Variants in ARPP21 observed in about 807,000 individuals in gnomAD.
ARPP21 encodes cAMP-regulated phosphoprotein 21.
In ARPP21, 69 loss-of-function variants were observed where a neutral mutation model predicts 113.2. That is an observed-to-expected ratio of 0.61 (90% confidence interval 0.50 to 0.74). The LOEUF is 0.74. Among genes scored for constraint, ARPP21 ranks in the 30% least tolerant of loss-of-function variants. The pLI is 0.00. For synonymous variants in ARPP21, 368 were observed against 375.5 expected, an observed-to-expected ratio of 0.98 and a Z score of 0.23; for missense variants, 1,070 against 1,037.4, an observed-to-expected ratio of 1.03 and a Z score of -0.43.
chr3:35,682,625 A>C (rs1383581411), intron 3 of ARPP21: 1 of 453,066 alleles, frequency 2.2e-6, no homozygotes, highest in Non-Finnish European at 3.9e-6. Context: ...TAGTTGTTAT[A>C]AACAGAAAAG....
At chr3:35,755,315 C>A (rs1288494857) in intron 19 of ARPP21, among the ~76,000 whole-genome samples, 1 of 151,894 alleles carries the variant, frequency 6.6e-6, no homozygotes, top group Non-Finnish European at 1.5e-5. Flanking sequence ...TTGTCTCCAC[C>A]ACCTTCCCAA....
At chr3:35,688,880 A>ACTTT (rs1553666715) in intron 6 of ARPP21, among the ~76,000 whole-genome samples, 1 of 146,742 alleles carries the variant, frequency 6.8e-6, no homozygotes, top group Non-Finnish European at 1.5e-5. Flanking sequence ...CAGAACATTC[A>ACTTT]TTTTTTTTTT....
At chr3:35,641,183 A>G (rs1265751798) in intron 1 of ARPP21, 1 of 152,228 alleles carries the variant, frequency 6.6e-6, no homozygotes, top group Non-Finnish European at 1.5e-5. Context: ...ACAGATATTC[A>G]TTTTAATCTT....
intron 10 of ARPP21, 58 bp from the exon 11 acceptor site, chr3:35,708,910 AC>A: frequency 8.6e-7 from 1 of 1,165,232 alleles, no homozygotes; most frequent in Non-Finnish European, 1.3e-6. Context: ...CAGTTGCTTA[AC>A]CACAGATTTC....
chr3:35,668,002 GAA>G (rs2075201105), intron 1 of ARPP21, among the ~76,000 whole-genome samples: 5 of 150,058 alleles, frequency 3.3e-5, no homozygotes, highest in Non-Finnish European at 7.4e-5. Context: ...AGAAGAAGAA[GAA>G]GAAGAAGAAG....
chr3:35,759,755 A>T (rs937762467), intron 19 of ARPP21, among the ~76,000 whole-genome samples: 1 of 151,304 alleles, frequency 6.6e-6, no homozygotes, highest in Non-Finnish European at 1.5e-5. Context: ...TGGAGGCTAA[A>T]AGATCATAAT....
chr3:35,693,259 A>C (rs1381409629), intron 9 of ARPP21, among the ~76,000 whole-genome samples: 1 of 151,656 alleles, frequency 6.6e-6, no homozygotes, highest in Non-Finnish European at 1.5e-5. Context: ...TAAATAAAAA[A>C]GGCAAATGAC....
At chr3:35,719,956 A>G (rs528337851) in intron 13 of ARPP21, among the ~76,000 whole-genome samples, 1 of 152,326 alleles carries the variant, frequency 6.6e-6, no homozygotes, top group South Asian at 2.1e-4. Flanking sequence ...CAGAAATGGA[A>G]TAGCAAGCCC....
At chr3:35,643,984 T>C (rs558438434) in intron 1 of ARPP21, among the ~76,000 whole-genome samples, 2 of 152,154 alleles carry the variant, frequency 1.3e-5, no homozygotes, top group East Asian at 3.9e-4. Flanking sequence ...TTGTAAAACA[T>C]ATACTTCCTT....
intron 9 of ARPP21, among the ~76,000 whole-genome samples, chr3:35,695,509 G>A (rs368979519): frequency 1.3e-5 from 2 of 151,422 alleles, no homozygotes; most frequent in African/African-American, 4.8e-5. Context: ...GAAAAATGTA[G>A]TGCAACTCTT....
chr3:35,696,109 A>G (rs890320415), intron 9 of ARPP21, among the ~76,000 whole-genome samples: 8 of 151,572 alleles, frequency 5.3e-5, no homozygotes, highest in African/African-American at 1.5e-4. Flanking sequence ...GCTTTAGAAC[A>G]TGAGGCTTGA....
intron 11 of ARPP21, among the ~76,000 whole-genome samples, chr3:35,710,898 C>G (rs2090924472): frequency 6.6e-6 from 1 of 152,182 alleles, no homozygotes; most frequent in Admixed American, 6.5e-5. Flanking sequence ...AGATTAACAG[C>G]TGGGGATCTG....
At chr3:35,655,961 T>C (rs1182539936) in intron 1 of ARPP21, among the ~76,000 whole-genome samples, 1 of 152,074 alleles carries the variant, frequency 6.6e-6, no homozygotes, top group African/African-American at 2.4e-5. Flanking sequence ...CAACTACTGA[T>C]CTAAAACATA....
At chr3:35,724,608 AAAC>A (rs1444046184) in intron 14 of ARPP21, among the ~76,000 whole-genome samples, 1 of 152,176 alleles carries the variant, frequency 6.6e-6, no homozygotes, top group African/African-American at 2.4e-5. Flanking sequence ...CACACTTCAA[AAAC>A]AACTGCTCTG....
intron 1 of ARPP21, among the ~76,000 whole-genome samples, chr3:35,647,543 A>G (rs1396395728): frequency 1.3e-5 from 2 of 152,286 alleles, no homozygotes; most frequent in East Asian, 3.9e-4. Context: ...ACGAGATTCT[A>G]CAGGTTAGAG....
In ARPP21 at chr3:35,737,302, G is replaced by A. The variant is rs369355620; in HGVS notation, c.1584G>A (p.Pro528=). 132 of 1,612,862 alleles carry A rather than the reference G, an allele frequency of 8.2e-5. No individual in the cohort carries two copies. The highest frequency in any genetic ancestry group is 6.7e-4 in the Admixed American group (40 of 59,922). ...AGCCACCACAGCAGCAGCCCTCCCCGCAGCCCCAACAGCAGGTCCAGCCAC... is the reference window on the plus strand; with the variant it reads ...AGCCACCACAGCAGCAGCCCTCCCCACAGCCCCAACAGCAGGTCCAGCCAC... ...QQQPPQQQPS[P]QPQQQVQPPQ... is the part of the protein sequence containing the mutation. The change falls in exon 16 of 21, where the codon CCG becomes CCA. Residue 528 remains proline (P), a synonymous_variant. Coordinates refer to ENST00000684406, the MANE Select transcript of ARPP21 (RefSeq NM_001385562.1).
At chr3:35,719,068 AT>A (rs1477725323) in intron 13 of ARPP21, among the ~76,000 whole-genome samples, 1 of 152,136 alleles carries the variant, frequency 6.6e-6, no homozygotes, top group East Asian at 1.9e-4. Flanking sequence ...CAGATATCCC[AT>A]TGCTATCATC....
chr3:35,662,055 G>A (rs2149163412), intron 1 of ARPP21, among the ~76,000 whole-genome samples: 1 of 152,214 alleles, frequency 6.6e-6, no homozygotes, highest in East Asian at 1.9e-4. Flanking sequence ...GAATTATGTA[G>A]CATTATAGTG....
intron 19 of ARPP21, among the ~76,000 whole-genome samples, chr3:35,771,254 TCA>T (rs2096189291): frequency 1.3e-5 from 2 of 152,234 alleles, no homozygotes; most frequent in East Asian, 3.9e-4. Flanking sequence ...GACCATTGCC[TCA>T]GAGTTACCTG....
Sources: allele counts gnomAD v4.1 joint callset (sites outside exome capture counted in the v4.1 genomes callset), GRCh38; gene constraint gnomAD v4.1.1; transcripts MANE v1.5; gene names NCBI Gene and HGNC (gene_info 2026-07-23, HGNC 2026-07-21).